The following MINDY3 variants were observed in gnomAD, a reference collection of about 807,000 sequenced individuals.
MINDY3 encodes MINDY lysine 48 deubiquitinase 3, also known as ubiquitin carboxyl-terminal hydrolase MINDY-3.
Under a neutral mutation model 69.2 loss-of-function variants are expected in MINDY3, and 38 were observed. The ratio of observed to expected loss-of-function variants is 0.55; its 90% CI spans 0.42 to 0.72. MINDY3 has a LOEUF of 0.72. MINDY3 is among the 30% of genes least tolerant of loss of function. The pLI, the probability that MINDY3 is intolerant of heterozygous loss-of-function variation, is 0.00. For missense variants in MINDY3, 522 were observed against 519.0 expected (o/e 1.01, Z -0.06); for synonymous variants, 192 against 180.1 (o/e 1.07, Z -0.53).
Position 15,796,308 on chromosome 10 carries a change from C to T in MINDY3, c.883-136G>A, listed in dbSNP as rs943162692. 19 of 674,900 alleles carry T rather than the reference C, an allele frequency of 2.8e-5. 1 individual carries two copies. The highest frequency in any genetic ancestry group is 7.2e-5 in the South Asian group (4 of 55,556). The allele number at this position is 674,900 out of a possible 1,614,324, so 41.8% of individuals were successfully genotyped here. On this transcript the variant is annotated intron_variant, in intron 10 of 14. Transcript: ENST00000277632. Reference sequence around the variant, plus strand: ...TTACATTTGTATCATAGATGTGTAACGAGATAGGTCATAAACTCTCCAGGC... The same window carrying T: ...TTACATTTGTATCATAGATGTGTAATGAGATAGGTCATAAACTCTCCAGGC...
chr10:15,840,473 C>G (rs948884839), intron 4 of MINDY3, among the ~76,000 whole-genome samples: 2 of 151,638 alleles, frequency 1.3e-5, no homozygotes, highest in African/African-American at 4.8e-5. Flanking sequence ...AAGACACTGA[C>G]AACACAGAGG....
chr10:15,820,461 G>A (rs1010700336), intron 9 of MINDY3, among the ~76,000 whole-genome samples: 6 of 151,512 alleles, frequency 4.0e-5, no homozygotes, highest in East Asian at 1.9e-4. Context: ...CCCACCCCCC[G>A]CCTCCATGCT....
At chr10:15,852,238 A>T (rs1834353374) in intron 1 of MINDY3, among the ~76,000 whole-genome samples, 1 of 152,130 alleles carries the variant, frequency 6.6e-6, no homozygotes, top group South Asian at 2.1e-4. Context: ...TATGTTTACA[A>T]CATACTGTGG....
At position 15,789,258 on chromosome 10, in the gene MINDY3, T is replaced by A. The variant is rs745550953; in HGVS notation, c.1017A>T (p.Ser339=). The change falls in exon 12 of 15, where the codon TCA becomes TCT. Residue 339 remains serine, a synonymous_variant. Transcript: ENST00000277632. The stretch of plus-strand genomic sequence containing the variant: ...CCTATTTAGCTTACTATTCAGGATC[T>A]GAAACAAGGTCCAATGCTTTCATCA... The part of the protein sequence containing the change: ...EDVMKALDLV[S]DPEYINLMKN... 1 of 1,610,354 alleles carries A rather than the reference T, an allele frequency of 6.2e-7. No individual in the cohort carries two copies. The highest frequency in any genetic ancestry group is 1.7e-5 in the Admixed American group (1 of 59,888).
chr10:15,807,606 A>C (rs1346378257), intron 10 of MINDY3, among the ~76,000 whole-genome samples: 1 of 152,072 alleles, frequency 6.6e-6, no homozygotes. Flanking sequence ...GTGTGGGCTT[A>C]ATGATACTGA....
chr10:15,778,586 A>G lies in MINDY3; in HGVS notation c.*406T>C, dbSNP rs1692317907. ...TGCATTTCATTGTAGAGGCTGATAT[A>G]TTACAAGCCGGAATCATTCAAACAA... On this transcript the variant is annotated 3_prime_UTR_variant, in exon 15 of 15. Transcript: ENST00000277632. 2 of 154,646 alleles carry G rather than the reference A, an allele frequency of 1.3e-5. No individual in the cohort carries two copies. The highest frequency in any genetic ancestry group is 2.9e-5 in the Non-Finnish European group (2 of 69,782). The allele number at this position is 154,646 out of a possible 1,614,324, so 9.6% of individuals were successfully genotyped here.
chr10:15,854,715 A>G (rs1834569169), intron 1 of MINDY3, among the ~76,000 whole-genome samples: 1 of 152,114 alleles, frequency 6.6e-6, no homozygotes, highest in African/African-American at 2.4e-5. Flanking sequence ...GGGCTCAGCT[A>G]AGATTTAACT....
intron 10 of MINDY3, among the ~76,000 whole-genome samples, chr10:15,815,221 T>G (rs1839273184): frequency 6.6e-6 from 1 of 152,210 alleles, no homozygotes; most frequent in African/African-American, 2.4e-5. Context: ...CTTTTTAACT[T>G]CCTCTCTCTA....
intron 11 of MINDY3, among the ~76,000 whole-genome samples, chr10:15,793,443 T>C (rs1239435219): frequency 2.0e-5 from 3 of 152,148 alleles, no homozygotes; most frequent in Non-Finnish European, 4.4e-5. Context: ...ATGCTTGATA[T>C]CAAAATAAGT....
chr10:15,838,478 T>C (rs1476417244), intron 4 of MINDY3, among the ~76,000 whole-genome samples, 199 bp from the exon 5 acceptor site: 5 of 151,750 alleles, frequency 3.3e-5, no homozygotes, highest in Non-Finnish European at 7.4e-5. Context: ...CTAAAATCGA[T>C]ATAATACTGA....
intron 14 of MINDY3, among the ~76,000 whole-genome samples, chr10:15,779,804 A>C (rs1438650721): frequency 6.6e-6 from 1 of 152,242 alleles, no homozygotes; most frequent in African/African-American, 2.4e-5. Context: ...CTAACCAGAT[A>C]CTGTATATGC....
In MINDY3 at chr10:15,859,255, T is replaced by C. The variant is rs138882059; in HGVS notation, c.94+951A>G. On this transcript the variant is annotated intron_variant, in intron 1 of 14. Transcript: ENST00000277632. ...ACACGTTTTGAAATAGGGGTTTATA[T>C]TTACTATGCCAAAATTCCGCCCAAT... Among the ~76,000 whole-genome samples, 341 of 152,312 alleles carry C rather than the reference T, an allele frequency of 2.2e-3. 1 individual carries two copies. Among genetic ancestry groups the C allele is most frequent in the Middle Eastern group, 6.8e-3 (2 of 294 alleles).
intron 11 of MINDY3, among the ~76,000 whole-genome samples, chr10:15,791,203 G>T (rs2131858801): frequency 6.6e-6 from 1 of 152,108 alleles, no homozygotes; most frequent in South Asian, 2.1e-4. Context: ...CTCAAGATTA[G>T]AAGAGATTTC....
In MINDY3 at chr10:15,814,616, G is replaced by A. The variant is rs893163693; in HGVS notation, c.882+2219C>T. ...TAACTCCATGTCTCTAATTCAACAC[G>A]TTATTGCACATGACAGGGATCTATG... On this transcript the variant is annotated intron_variant, in intron 10 of 14. Transcript: ENST00000277632. 1.4e-4 allele frequency among the ~76,000 whole-genome samples: 21 copies of A among 151,966 alleles called. 1 individual carries two copies. The highest frequency in any genetic ancestry group is 1.2e-3 in the Admixed American group (19 of 15,262).
chr10:15,838,350 T>G, intron 4 of MINDY3, 71 bp from the exon 5 acceptor site: 1 of 1,352,610 alleles, frequency 7.4e-7, no homozygotes, highest in South Asian at 1.6e-5. Context: ...CAGCAGGCTG[T>G]AAATACTTTC....
intron 1 of MINDY3, among the ~76,000 whole-genome samples, chr10:15,858,922 A>G (rs77301332): frequency 0.027 from 4,048 of 152,256 alleles, 89 homozygotes; most frequent in Middle Eastern, 0.041. Flanking sequence ...GGTAACTGAC[A>G]TAATTGAATG....
At chr10:15,831,463 G>C (rs1057003465) in intron 8 of MINDY3, among the ~76,000 whole-genome samples, 1 of 151,966 alleles carries the variant, frequency 6.6e-6, no homozygotes, top group African/African-American at 2.4e-5. Context: ...TCTTTTCCAA[G>C]TTAGCTATTT....
Position 15,860,203 on chromosome 10 carries a change from TACCTTGCGTCCAG to T in MINDY3, c.84_94+2del. The T allele has an allele frequency of 6.2e-7, 1 of 1,601,956 alleles. No individual in the cohort carries two copies. Among genetic ancestry groups the T allele is most frequent in the Non-Finnish European group, 8.5e-7 (1 of 1,173,976 alleles). ...TGCAAGTGTGAGAGCCCCGCCAGGG[TACCTTGCGTCCAG>T]CGGCAGAAAATGGTGTCCGAGAGAC... On this transcript the variant is annotated splice_donor_variant and coding_sequence_variant, in exon 1 of 15. Transcript: ENST00000277632. LOFTEE classifies it high-confidence loss of function.
chr10:15,830,555 A>C (rs1162895279), intron 8 of MINDY3, among the ~76,000 whole-genome samples: 2 of 152,232 alleles, frequency 1.3e-5, no homozygotes, highest in African/African-American at 4.8e-5. Flanking sequence ...TACATATGTG[A>C]GATGGCATGG....
Sources: allele counts gnomAD v4.1 joint callset (sites outside exome capture counted in the v4.1 genomes callset), GRCh38; gene constraint gnomAD v4.1.1; transcripts MANE v1.5; gene names NCBI Gene and HGNC (gene_info 2026-07-23, HGNC 2026-07-21).